RGL1: variants seen among roughly 807,000 people sequenced by gnomAD.
RGL1 encodes the protein ral guanine nucleotide dissociation stimulator like 1.
RGL1 carries 24 observed loss-of-function variants against 95.2 expected under a neutral mutation model. That is an observed-to-expected ratio of 0.25 (90% CI 0.18 to 0.35). The LOEUF is 0.35. Among genes scored for constraint, RGL1 ranks in the 10% least tolerant of loss-of-function variants. RGL1 has a pLI of 1.00. For synonymous variants in RGL1, 329 were observed against 344.9 expected, an observed-to-expected ratio of 0.95 and a Z score of 0.51; for missense variants, 715 against 936.3, an observed-to-expected ratio of 0.76 and a Z score of 3.08.
At chr1:183,807,172 G>A (rs1288351432) in intron 2 of RGL1, among the ~76,000 whole-genome samples, 4 of 152,134 alleles carry the variant, frequency 2.6e-5, no homozygotes, top group Non-Finnish European at 4.4e-5. Flanking sequence ...CAAATAAAGC[G>A]AATATGAGAA....
chr1:183,916,671 C>T lies in RGL1; in HGVS notation c.1974C>T (p.Asp658=). The T allele has an allele frequency of 6.2e-7, 1 of 1,613,522 alleles. No homozygotes were observed. The highest frequency in any genetic ancestry group is 8.5e-7 in the Non-Finnish European group (1 of 1,179,968). ...DTCIIRISVE[D]NNGNMYKSIM... ...GCATAATCCGCATCAGTGTGGAAGA[C>T]AATAACGGCAACATGTACAAGAGCA... Residue 658 remains aspartate, a synonymous_variant, in exon 16 of 18, where the codon GAC becomes GAT. Transcript: ENST00000360851.
chr1:183,823,876 T>G (rs1208723196), intron 2 of RGL1, among the ~76,000 whole-genome samples: 1 of 152,184 alleles, frequency 6.6e-6, no homozygotes, highest in African/African-American at 2.4e-5. Flanking sequence ...AGCCTCAAAC[T>G]TCTGGGCTCA....
At chr1:183,826,887 T>G (rs1280755163) in intron 2 of RGL1, among the ~76,000 whole-genome samples, 2 of 152,168 alleles carry the variant, frequency 1.3e-5, no homozygotes, top group Non-Finnish European at 2.9e-5. Context: ...TGAATGACCA[T>G]TATTATGTGA....
At chr1:183,660,260 G>A (rs1651513109) in intron 1 of RGL1, among the ~76,000 whole-genome samples, 2 of 152,040 alleles carry the variant, frequency 1.3e-5, no homozygotes, top group African/African-American at 4.8e-5. Context: ...GACACAGACT[G>A]GCAAATTGGA....
intron 3 of RGL1, among the ~76,000 whole-genome samples, chr1:183,852,276 G>A (rs1664868077): frequency 6.6e-6 from 1 of 152,076 alleles, no homozygotes; most frequent in Non-Finnish European, 1.5e-5. Flanking sequence ...TATAATATGA[G>A]CCTTTTGTGA....
At chr1:183,924,184 A>G (rs536613849) in intron 17 of RGL1, among the ~76,000 whole-genome samples, 29 of 152,312 alleles carry the variant, frequency 1.9e-4, no homozygotes, top group African/African-American at 7.0e-4. Context: ...TTATTGCAGC[A>G]CTATTCACAA....
intron 3 of RGL1, among the ~76,000 whole-genome samples, chr1:183,863,284 G>A (rs908785649): frequency 6.6e-6 from 1 of 152,032 alleles, no homozygotes; most frequent in Non-Finnish European, 1.5e-5. Context: ...TCATGGGAGG[G>A]TTTCTCCCTT....
intron 1 of RGL1, among the ~76,000 whole-genome samples, chr1:183,680,826 C>T (rs1169946225): frequency 6.6e-6 from 1 of 152,088 alleles, no homozygotes; most frequent in Non-Finnish European, 1.5e-5. Flanking sequence ...AATGTTTTTC[C>T]ATTTGTTTGT....
At chr1:183,778,353 G>A (rs767009796) in intron 2 of RGL1, among the ~76,000 whole-genome samples, 11 of 152,152 alleles carry the variant, frequency 7.2e-5, no homozygotes, top group Non-Finnish European at 1.3e-4. Context: ...AAAATCTAGC[G>A]GGGGAGAAGG....
intron 2 of RGL1, among the ~76,000 whole-genome samples, chr1:183,820,179 C>A (rs968971298): frequency 6.6e-6 from 1 of 152,134 alleles, no homozygotes; most frequent in African/African-American, 2.4e-5. Context: ...TACTTATTAT[C>A]TTCCAATTTT....
chr1:183,927,598 G>A lies in RGL1; in HGVS notation c.*1306G>A, dbSNP rs1402115968. The stretch of plus-strand genomic sequence containing the variant: ...CTTGCTATCACAGTATCATTGTTAA[G>A]TGACACTTTTGTCTCTCATAACACC... On this transcript the variant is annotated 3_prime_UTR_variant, in exon 18 of 18. Coordinates refer to ENST00000360851, the MANE Select transcript of RGL1 (RefSeq NM_001297671.3). 6.6e-6 allele frequency: 1 copy of A among 152,444 alleles called. No individual in the cohort carries two copies. The highest frequency in any genetic ancestry group is 1.9e-4 in the East Asian group (1 of 5,190). The allele number at this position is 152,444 out of a possible 1,614,324, so 9.4% of individuals were successfully genotyped here.
At chr1:183,744,610 G>T (rs996914445) in intron 2 of RGL1, among the ~76,000 whole-genome samples, 1 of 151,970 alleles carries the variant, frequency 6.6e-6, no homozygotes, top group African/African-American at 2.4e-5. Context: ...ACATGCATGT[G>T]GATCTATATA....
intron 1 of RGL1, among the ~76,000 whole-genome samples, chr1:183,718,147 G>A (rs1251632972): frequency 2.6e-5 from 4 of 151,756 alleles, no homozygotes; most frequent in East Asian, 1.9e-4. Flanking sequence ...TTGGGAGGCT[G>A]AGGCAGGAGA....
At chr1:183,686,791 C>G (rs777577311) in intron 1 of RGL1, among the ~76,000 whole-genome samples, 27 of 152,262 alleles carry the variant, frequency 1.8e-4, no homozygotes, top group Non-Finnish European at 3.1e-4. Flanking sequence ...GCCTTCCCCC[C>G]TGAGCATCAG....
chr1:183,889,473 G>A (rs1667295137), intron 8 of RGL1, among the ~76,000 whole-genome samples: 1 of 152,122 alleles, frequency 6.6e-6, no homozygotes, highest in South Asian at 2.1e-4. Context: ...CAGCCAGGCT[G>A]CCTTAGTGGG....
At chr1:183,639,274 C>A (rs1302052022) in intron 1 of RGL1, among the ~76,000 whole-genome samples, 2 of 139,254 alleles carry the variant, frequency 1.4e-5, no homozygotes, top group Admixed American at 7.3e-5. Flanking sequence ...GAGCAAGACA[C>A]TTCATCTCAA....
intron 1 of RGL1, among the ~76,000 whole-genome samples, chr1:183,726,682 C>T (rs543282726): frequency 4.6e-5 from 7 of 152,086 alleles, no homozygotes; most frequent in South Asian, 2.1e-4. Flanking sequence ...ATTCTATTAC[C>T]GGGTCAGTTT....
chr1:183,675,722 A>C (rs568238111), intron 1 of RGL1, among the ~76,000 whole-genome samples: 1 of 152,122 alleles, frequency 6.6e-6, no homozygotes, highest in South Asian at 2.1e-4. Context: ...GCTAAAATAT[A>C]CTCTCCTGTA....
intron 1 of RGL1, among the ~76,000 whole-genome samples, chr1:183,669,408 T>C (rs112494334): frequency 3.9e-5 from 6 of 152,360 alleles, no homozygotes; most frequent in African/African-American, 9.6e-5. Flanking sequence ...TTGCATGCTA[T>C]CTACTTTTTC....
Sources: gnomAD v4.1 joint callset for allele counts (sites outside exome capture counted in the v4.1 genomes callset) on GRCh38, gnomAD v4.1.1 for gene constraint, MANE v1.5 for transcripts, NCBI Gene and HGNC (gene_info 2026-07-23, HGNC 2026-07-21) for gene names.